The following PIP5K1B variants were observed in gnomAD, a reference collection of about 807,000 sequenced individuals.
The protein encoded by PIP5K1B is phosphatidylinositol-4-phosphate 5-kinase type 1 beta, also known as phosphatidylinositol 4-phosphate 5-kinase type-1 beta.
A neutral mutation model predicts 67.0 loss-of-function variants in PIP5K1B; 42 were observed. The observed-to-expected ratio is 0.63, with a 90% CI of 0.49 to 0.81. The LOEUF is 0.81. PIP5K1B is among the 30% of genes least tolerant of loss of function. The pLI is 0.00. For synonymous variants in PIP5K1B, 214 were observed against 231.4 expected (o/e 0.92, Z 0.68); for missense variants, 459 against 646.3 (o/e 0.71, Z 3.14).
chr9:68,817,570 TA>T (rs1202886302), intron 2 of PIP5K1B, among the ~76,000 whole-genome samples: 2 of 151,436 alleles, frequency 1.3e-5, no homozygotes, highest in Non-Finnish European at 2.9e-5. Flanking sequence ...GATAGATATA[TA>T]GATTTTTAAA....
chr9:68,912,192 A>G (rs1825887226), intron 8 of PIP5K1B, among the ~76,000 whole-genome samples: 1 of 152,144 alleles, frequency 6.6e-6, no homozygotes, highest in African/African-American at 2.4e-5. Context: ...AGGCCTTATT[A>G]CAATGTGTAA....
At chr9:68,825,940 T>C (rs529667757) in intron 4 of PIP5K1B, among the ~76,000 whole-genome samples, 1 of 152,228 alleles carries the variant, frequency 6.6e-6, no homozygotes, top group Non-Finnish European at 1.5e-5. Context: ...TCAGTGTTCA[T>C]GGGACAACTT....
chr9:68,808,477 T>C (rs763485111), intron 2 of PIP5K1B, among the ~76,000 whole-genome samples: 5 of 151,244 alleles, frequency 3.3e-5, no homozygotes, highest in African/African-American at 4.9e-5. Flanking sequence ...AAAATGAAAA[T>C]CATTGCAGGA....
rs1379479827 is a variant in PIP5K1B at position 68,815,928 on chromosome 9, A to C, written c.-85-2533A>C. ...CCAGGAGTGAATTTAGTAAGACATAAGACAAATTTTAAAAAAAGATTGTAG... is the reference window on the plus strand; with the variant it reads ...CCAGGAGTGAATTTAGTAAGACATACGACAAATTTTAAAAAAAGATTGTAG... On this transcript the variant is annotated intron_variant, in intron 2 of 15. Transcript: ENST00000265382. Among the ~76,000 whole-genome samples, 3 of 152,192 alleles carry C rather than the reference A, an allele frequency of 2.0e-5. No individual in the cohort carries two copies. The East Asian group carries it at 5.8e-4, about 29-fold the overall frequency.
intron 14 of PIP5K1B, among the ~76,000 whole-genome samples, chr9:68,982,143 G>A (rs147260602): frequency 8.5e-5 from 13 of 152,308 alleles, no homozygotes; most frequent in African/African-American, 2.4e-4. Context: ...ACCCAGTCAC[G>A]TAAATTTGCT....
chr9:68,907,447 AAAAT>A (rs1191487451), intron 8 of PIP5K1B, among the ~76,000 whole-genome samples: 6 of 152,074 alleles, frequency 3.9e-5, no homozygotes, highest in South Asian at 2.1e-4. Flanking sequence ...AAAAAATATT[AAAAT>A]AAATATTAAA....
At chr9:68,826,688 A>G (rs1834002386) in intron 4 of PIP5K1B, among the ~76,000 whole-genome samples, 1 of 152,180 alleles carries the variant, frequency 6.6e-6, no homozygotes, top group African/African-American at 2.4e-5. Context: ...AGGGACCCAC[A>G]TGAAAAAATT....
intron 2 of PIP5K1B, among the ~76,000 whole-genome samples, chr9:68,765,919 G>A (rs898524191): frequency 3.9e-5 from 6 of 152,116 alleles, no homozygotes; most frequent in African/African-American, 1.4e-4. Flanking sequence ...CAGTTCCACT[G>A]CTGGAAATTT....
At chr9:68,932,660 ACT>A (rs762365276) in intron 12 of PIP5K1B, among the ~76,000 whole-genome samples, 1 of 152,096 alleles carries the variant, frequency 6.6e-6, no homozygotes, top group African/African-American at 2.4e-5. Context: ...CATCTAGAAA[ACT>A]CTACACATAT....
intron 1 of PIP5K1B, among the ~76,000 whole-genome samples, chr9:68,708,514 C>T (rs1827231549): frequency 6.6e-6 from 1 of 150,418 alleles, no homozygotes; most frequent in Non-Finnish European, 1.5e-5. Flanking sequence ...AGACTCATGT[C>T]ATCTATGTTA....
At position 68,935,010 on chromosome 9, in the gene PIP5K1B, C is replaced by T. The variant is rs910454997; in HGVS notation, c.1322C>T (p.Thr441Ile). The change falls in exon 13 of 16, where the codon ACT (threonine) becomes ATT (isoleucine). Residue 441 changes from threonine (T) to isoleucine (I), a missense_variant. Coordinates refer to ENST00000265382, the MANE Select transcript of PIP5K1B (RefSeq NM_003558.4). ...EWKDEKRDLL[T>I]EGQSFSSLDE... Reference sequence around the variant, plus strand: ...AAGGATGAGAAGCGGGATTTGCTGACTGAAGGACAAAGTTTTAGCAGCCTT... The same window carrying T: ...AAGGATGAGAAGCGGGATTTGCTGATTGAAGGACAAAGTTTTAGCAGCCTT... The T allele has an allele frequency of 3.7e-6, 6 of 1,613,448 alleles. No individual in the cohort carries two copies. Among genetic ancestry groups the T allele is most frequent in the Non-Finnish European group, 5.1e-6 (6 of 1,179,704 alleles).
intron 5 of PIP5K1B, among the ~76,000 whole-genome samples, chr9:68,874,484 A>G (rs1823780427): frequency 6.6e-6 from 1 of 152,214 alleles, no homozygotes. Flanking sequence ...CTATCGTTTT[A>G]TACCATAACT....
intron 4 of PIP5K1B, among the ~76,000 whole-genome samples, chr9:68,828,943 A>G (rs970548584): frequency 4.6e-5 from 7 of 151,804 alleles, no homozygotes; most frequent in African/African-American, 1.5e-4. Context: ...CTCTACTAAA[A>G]ATACAAAAAT....
chr9:68,998,348 G>A (rs995135131), intron 15 of PIP5K1B, among the ~76,000 whole-genome samples: 4 of 152,098 alleles, frequency 2.6e-5, no homozygotes, highest in Non-Finnish European at 4.4e-5. Flanking sequence ...CACTGCACCC[G>A]GCTGATTTCC....
At chr9:68,872,103 A>G (rs1319178806) in intron 5 of PIP5K1B, among the ~76,000 whole-genome samples, 1 of 152,224 alleles carries the variant, frequency 6.6e-6, no homozygotes, top group Non-Finnish European at 1.5e-5. Context: ...GATTGCGGTC[A>G]TTGTGTTTGA....
chr9:68,808,331 A>C (rs1832979657), intron 2 of PIP5K1B, among the ~76,000 whole-genome samples: 1 of 152,226 alleles, frequency 6.6e-6, no homozygotes, highest in African/African-American at 2.4e-5. Flanking sequence ...GTGTTAGTTA[A>C]ATCTCCATGG....
chr9:68,914,085 A>T lies in PIP5K1B; in HGVS notation c.772-3463A>T, dbSNP rs556546271. ...ATATAAGAAAAAGTATTTCATTTTTAAAAAAATCTTCTTAACAATTAATTC... is the reference window on the plus strand; with the variant it reads ...ATATAAGAAAAAGTATTTCATTTTTTAAAAAATCTTCTTAACAATTAATTC... On this transcript the variant is annotated intron_variant, in intron 8 of 15. Coordinates refer to ENST00000265382, the MANE Select transcript of PIP5K1B (RefSeq NM_003558.4). 2.9e-3 allele frequency among the ~76,000 whole-genome samples: 435 copies of T among 152,324 alleles called. 3 individuals are homozygous for T. The highest frequency in any genetic ancestry group is 9.7e-3 in the African/African-American group (404 of 41,574).
At chr9:68,856,518 G>T (rs114898395) in intron 4 of PIP5K1B, among the ~76,000 whole-genome samples, 1 of 152,096 alleles carries the variant, frequency 6.6e-6, no homozygotes, top group East Asian at 1.9e-4. Context: ...GTGGGTCTCC[G>T]CCCTTCTGAC....
intron 14 of PIP5K1B, chr9:68,963,978 C>T (rs1011509145): frequency 2.6e-5 from 4 of 152,094 alleles, no homozygotes; most frequent in South Asian, 2.1e-4. Context: ...TCTAAGCTCC[C>T]GACGTTTTGT....
Sources: allele counts gnomAD v4.1 joint callset (sites outside exome capture counted in the v4.1 genomes callset), GRCh38; gene constraint gnomAD v4.1.1; transcripts MANE v1.5; gene names NCBI Gene and HGNC (gene_info 2026-07-23, HGNC 2026-07-21).